Variants in ZCCHC14 observed in about 807,000 individuals in gnomAD.
ZCCHC14 encodes the protein zinc finger CCHC domain-containing protein 14.
A neutral mutation model predicts 85.0 loss-of-function variants in ZCCHC14; 16 were observed. The ratio of observed to expected loss-of-function variants is 0.19; its 90% confidence interval spans 0.13 to 0.29. The LOEUF (loss-of-function observed/expected upper bound fraction) is 0.29, where lower values mean the gene tolerates loss of function less well. Among genes scored for constraint, ZCCHC14 ranks in the 10% least tolerant of loss-of-function variants. The probability of loss-of-function intolerance (pLI) is 1.00; values close to 1 mark genes in which losing one functional copy is unlikely to be tolerated. For missense variants in ZCCHC14, 1,303 were observed against 1,443.5 expected, an observed-to-expected ratio of 0.90 and a Z score of 1.58; for synonymous variants, 775 against 630.7, an observed-to-expected ratio of 1.23 and a Z score of -3.43.
Position 87,410,231 on chromosome 16 carries a change from T to A in ZCCHC14, c.*49A>T, listed in dbSNP as rs751826867. The A allele has an allele frequency of 9.2e-5, 64 of 694,276 alleles. 2 individuals carry two copies. In the Middle Eastern group the frequency reaches 0.014, roughly 153 times the overall value. 43.0% of individuals were successfully genotyped at this position (694,276 alleles called of 1,614,324 possible). A position where few individuals can be genotyped will look rare whatever the true frequency, so the allele number is the denominator to read the frequency against. Reference sequence around the variant, plus strand: ...AGACTTCTCAGTTTTGTATTTAATTTTCCTTATGTCTCCATGGCTTAATAA... The same window carrying A: ...AGACTTCTCAGTTTTGTATTTAATTATCCTTATGTCTCCATGGCTTAATAA... On this transcript the variant is annotated 3_prime_UTR_variant, in exon 13 of 13. Coordinates refer to ENST00000671377, the MANE Select transcript of ZCCHC14 (RefSeq NM_015144.3).
intron 1 of ZCCHC14, among the ~76,000 whole-genome samples, chr16:87,488,432 T>G (rs1912609242): frequency 6.6e-6 from 1 of 152,156 alleles, no homozygotes; most frequent in Admixed American, 6.5e-5. Flanking sequence ...TTTCTGAAAG[T>G]AAAATACAGG....
At chr16:87,429,362 G>A (rs78937590) in intron 3 of ZCCHC14, among the ~76,000 whole-genome samples, 2,452 of 151,618 alleles carry the variant, frequency 0.016, 23 homozygotes, top group Middle Eastern at 0.041. Context: ...TTTTCTTTGT[G>A]GAGACAGGGT....
At chr16:87,487,286 G>A (rs1163144799) in intron 1 of ZCCHC14, among the ~76,000 whole-genome samples, 1 of 151,856 alleles carries the variant, frequency 6.6e-6, no homozygotes, top group African/African-American at 2.4e-5. Flanking sequence ...CTTTAAAAAC[G>A]TTATTTTTTT....
chr16:87,428,233 A>G (rs1451014077), intron 3 of ZCCHC14, among the ~76,000 whole-genome samples: 1 of 152,216 alleles, frequency 6.6e-6, no homozygotes, highest in Non-Finnish European at 1.5e-5. Context: ...CCTGGAAAAC[A>G]ACGATACATA....
chr16:87,424,375 G>C (rs1378197803), intron 3 of ZCCHC14, among the ~76,000 whole-genome samples: 1 of 152,222 alleles, frequency 6.6e-6, no homozygotes, highest in Non-Finnish European at 1.5e-5. Flanking sequence ...TGTGGGGACA[G>C]TGTGAGTCCA....
chr16:87,491,408 T>G lies in ZCCHC14; in HGVS notation c.570+261A>C, dbSNP rs1019981455. On this transcript the variant is annotated intron_variant, in intron 1 of 12. Transcript: ENST00000671377. The surrounding 1 kb of genome is among the most constrained non-coding windows in gnomAD (Gnocchi z 5.9). ...GGGGCTTGGGATGTACGGCGGAGGC[T>G]TGGGATGTACGGCGGAGGCTTGGGA... 2.6e-5 allele frequency among the ~76,000 whole-genome samples: 4 copies of G among 151,812 alleles called. No homozygotes were observed. The highest frequency in any genetic ancestry group is 2.6e-4 in the Admixed American group (4 of 15,266).
In ZCCHC14 at chr16:87,460,191, T is replaced by A; in HGVS notation, c.571-60A>T. 6 of 1,574,674 alleles carry A rather than the reference T, an allele frequency of 3.8e-6. No homozygotes were observed. In the Admixed American group the frequency reaches 9.3e-5, roughly 25 times the overall value. ...CCCACGGAGTTAATAGGGGACAATT[T>A]TATTTGTTAATTAAGTCTTTCATAA... On this transcript the variant is annotated intron_variant, in intron 1 of 12. Transcript: ENST00000671377.
intron 2 of ZCCHC14, among the ~76,000 whole-genome samples, chr16:87,439,870 AGTT>A (rs1189076174): frequency 6.6e-6 from 1 of 152,252 alleles, no homozygotes; most frequent in Non-Finnish European, 1.5e-5. Flanking sequence ...TCAGCACAAT[AGTT>A]GTTAAGTATT....
chr16:87,488,231 T>C (rs1338472001), intron 1 of ZCCHC14, among the ~76,000 whole-genome samples: 1 of 152,176 alleles, frequency 6.6e-6, no homozygotes, highest in Non-Finnish European at 1.5e-5. Context: ...AAGGATTTAT[T>C]TTAACTATTT....
chr16:87,431,471 T>C (rs1909656663), intron 3 of ZCCHC14, among the ~76,000 whole-genome samples: 1 of 110,928 alleles, frequency 9.0e-6, no homozygotes, highest in South Asian at 2.6e-4. Context: ...AGGCTCTGTC[T>C]GAAAAAAAAA....
Position 87,423,806 on chromosome 16 carries a change from T to C in ZCCHC14, c.840+4A>G, listed in dbSNP as rs771021164. The C allele has an allele frequency of 6.2e-7, 1 of 1,614,010 alleles. No individual in the cohort carries two copies. The highest frequency in any genetic ancestry group is 8.5e-7 in the Non-Finnish European group (1 of 1,179,922). Reference sequence around the variant, plus strand: ...ATTTTTATAAGAGCCCTTGATTACCTTACCTTTGAAATAAATTCCGTCACT... The same window carrying C: ...ATTTTTATAAGAGCCCTTGATTACCCTACCTTTGAAATAAATTCCGTCACT... On this transcript the variant is annotated splice_donor_region_variant and intron_variant, in intron 4 of 12. Coordinates refer to ENST00000671377, the MANE Select transcript of ZCCHC14 (RefSeq NM_015144.3).
chr16:87,457,962 C>A (rs927475994), intron 2 of ZCCHC14, among the ~76,000 whole-genome samples: 1 of 152,124 alleles, frequency 6.6e-6, no homozygotes, highest in Non-Finnish European at 1.5e-5. Flanking sequence ...AATGACCACT[C>A]GTGGCCTCAG....
At chr16:87,466,124 C>T (rs944450714) in intron 1 of ZCCHC14, among the ~76,000 whole-genome samples, 1 of 150,340 alleles carries the variant, frequency 6.7e-6, no homozygotes, top group Non-Finnish European at 1.5e-5. Context: ...CAGGTATTTA[C>T]GCTTTTTTTT....
chr16:87,460,589 C>G (rs533321322), intron 1 of ZCCHC14, among the ~76,000 whole-genome samples: 3 of 152,172 alleles, frequency 2.0e-5, no homozygotes, highest in African/African-American at 7.2e-5. Flanking sequence ...ACTCGGGAGG[C>G]TGACGTGGGA....
rs144819747 is a variant in ZCCHC14 at position 87,412,191 on chromosome 16, C to A, written c.2530G>T (p.Ala844Ser). The change falls in exon 12 of 13, where the codon GCC becomes TCC. Residue 844 changes from alanine (A) to serine (S), a missense_variant. By Grantham distance (99) the Ala-to-Ser change is moderately conservative. Coordinates refer to ENST00000671377, the MANE Select transcript of ZCCHC14 (RefSeq NM_015144.3). Reference protein sequence around the residue: ...QGGFCANSNTASPSSHPSTSF... With the variant: ...QGGFCANSNTSSPSSHPSTSF... ...GTGGAGGGGTGGCTGCTGGGAGAGG[C>A]AGTGTTGCTGTTTGCACAGAAGCCA... 1 of 1,613,916 alleles carries A rather than the reference C, an allele frequency of 6.2e-7. No individual in the cohort carries two copies. Among genetic ancestry groups the A allele is most frequent in the Non-Finnish European group, 8.5e-7 (1 of 1,180,046 alleles).
intron 2 of ZCCHC14, among the ~76,000 whole-genome samples, chr16:87,433,972 C>T (rs1188524225): frequency 6.6e-6 from 1 of 152,150 alleles, no homozygotes; most frequent in African/African-American, 2.4e-5. Context: ...CATTCTCATC[C>T]TTCTCTGCGA....
At chr16:87,443,557 G>A (rs766730952) in intron 2 of ZCCHC14, among the ~76,000 whole-genome samples, 9 of 151,984 alleles carry the variant, frequency 5.9e-5, no homozygotes, top group South Asian at 2.1e-4. Context: ...GCAACATGGC[G>A]AGACCCCATT....
intron 7 of ZCCHC14, among the ~76,000 whole-genome samples, chr16:87,418,396 T>C (rs1366483067): frequency 1.3e-5 from 2 of 152,086 alleles, no homozygotes; most frequent in African/African-American, 4.8e-5. Flanking sequence ...CCAGACAACA[T>C]CTCCACGAGA....
At chr16:87,464,196 A>G (rs1437655220) in intron 1 of ZCCHC14, among the ~76,000 whole-genome samples, 3 of 152,244 alleles carry the variant, frequency 2.0e-5, no homozygotes, top group Admixed American at 2.0e-4. Context: ...AGGGCTGAGC[A>G]GGGGAAAACA....
Sources: allele counts gnomAD v4.1 joint callset (sites outside exome capture counted in the v4.1 genomes callset), GRCh38; gene constraint gnomAD v4.1.1; non-coding constraint Gnocchi (gnomAD v3.1); transcripts MANE v1.5; gene names NCBI Gene and HGNC (gene_info 2026-07-23, HGNC 2026-07-21).